RAD54B: variants seen among roughly 807,000 people sequenced by gnomAD.
RAD54B encodes the protein DNA repair and recombination protein RAD54B.
In RAD54B, 78 loss-of-function variants were observed where a neutral mutation model predicts 95.8. The observed-to-expected ratio is 0.81, with a 90% CI of 0.68 to 0.98. The LOEUF (loss-of-function observed/expected upper bound fraction) is 0.98. Among genes scored for constraint, RAD54B ranks in the 50% least tolerant of loss-of-function variants. The probability of loss-of-function intolerance (pLI) is 0.00; values close to 1 mark genes in which losing one functional copy is unlikely to be tolerated. For missense variants in RAD54B, 957 were observed against 1,056.6 expected, an observed-to-expected ratio of 0.91 and a Z score of 1.31; for synonymous variants, 328 against 354.9, an observed-to-expected ratio of 0.92 and a Z score of 0.85.
In RAD54B at chr8:94,458,294, A is replaced by G. The variant is rs780901315; in HGVS notation, c.278T>C (p.Leu93Pro). 4 of 1,607,848 alleles carry G rather than the reference A, an allele frequency of 2.5e-6. No individual in the cohort carries two copies. The East Asian group carries it at 6.7e-5, about 27-fold the overall frequency. ...TGTATGAGGTGGATCTAATGTTGCC[A>G]GTGTAGGTGCTTCAAAACAATATTT... is the stretch of plus-strand genomic sequence containing the variant. ...SGKYCFEAPT[L>P]ATLDPPHTVH... Residue 93 changes from leucine (L) to proline (P), a missense_variant, in exon 3 of 15, where the codon CTG (leucine) becomes CCG (proline). Physicochemically the swap from Leu to Pro is moderately conservative, Grantham distance 98 (BLOSUM62 -3). Coordinates refer to ENST00000336148, the MANE Select transcript of RAD54B (RefSeq NM_012415.3).
At chr8:94,409,444 C>T (rs145638847) in intron 4 of RAD54B, among the ~76,000 whole-genome samples, 151 of 151,878 alleles carry the variant, frequency 9.9e-4, no homozygotes, top group Non-Finnish European at 1.8e-3. Context: ...GATCAAGGCT[C>T]ACTGCAGCCT....
intron 3 of RAD54B, among the ~76,000 whole-genome samples, chr8:94,418,146 T>C (rs1811719545): frequency 6.6e-6 from 1 of 152,168 alleles, no homozygotes; most frequent in Non-Finnish European, 1.5e-5. Flanking sequence ...GATAGTTTTT[T>C]ACCCTTCTCT....
chr8:94,468,842 AGAG>A (rs1419726289), intron 1 of RAD54B, among the ~76,000 whole-genome samples: 1 of 151,854 alleles, frequency 6.6e-6, no homozygotes, highest in African/African-American at 2.4e-5. Context: ...AAAAAAGATA[AGAG>A]GAGCTTGGTG....
chr8:94,469,097 CTT>C (rs1486141031), intron 1 of RAD54B, among the ~76,000 whole-genome samples: 5 of 126,388 alleles, frequency 4.0e-5, no homozygotes, highest in Middle Eastern at 4.2e-3. Flanking sequence ...GAGCCCATCT[CTT>C]GTTTTTTTTT....
At chr8:94,472,014 T>G (rs1813182433) in intron 1 of RAD54B, among the ~76,000 whole-genome samples, 1 of 152,158 alleles carries the variant, frequency 6.6e-6, no homozygotes, top group African/African-American at 2.4e-5. Context: ...TTTCCCAATT[T>G]CATCAATGTT....
rs556692480 is a variant in RAD54B, at chr8:94,454,235, C to T, written c.304+4033G>A. On this transcript the variant is annotated intron_variant, in intron 3 of 14. Transcript: ENST00000336148. ...TCCAGAATAGGTAAACCCATAGAGA[C>T]AGAAAGCAAATTAGTGGTTGCCAGG... 2.0e-5 allele frequency among the ~76,000 whole-genome samples: 3 copies of T among 151,038 alleles called. No individual in the cohort carries two copies. In the East Asian group the frequency reaches 5.8e-4, roughly 29 times the overall value.
intron 3 of RAD54B, among the ~76,000 whole-genome samples, chr8:94,423,139 T>G (rs1374483708): frequency 6.6e-6 from 1 of 152,060 alleles, no homozygotes; most frequent in Non-Finnish European, 1.5e-5. Flanking sequence ...ATCCCAACAC[T>G]TTGGGAGGCC....
At chr8:94,431,263 A>G (rs1291402483) in intron 3 of RAD54B, 1 of 967,804 alleles carries the variant, frequency 1.0e-6, no homozygotes, top group Non-Finnish European at 1.2e-6. Flanking sequence ...CCAGAACAGG[A>G]CATTCAAAAT....
At chr8:94,471,232 A>G (rs1477991050) in intron 1 of RAD54B, among the ~76,000 whole-genome samples, 1 of 146,958 alleles carries the variant, frequency 6.8e-6, no homozygotes. Context: ...GAAGAGGTTC[A>G]GTATTTGTTA....
At chr8:94,455,893 T>G (rs1278922673) in intron 3 of RAD54B, among the ~76,000 whole-genome samples, 1 of 152,194 alleles carries the variant, frequency 6.6e-6, no homozygotes, top group Non-Finnish European at 1.5e-5. Context: ...CCAGTATGAC[T>G]TTATCTTGAT....
intron 11 of RAD54B, among the ~76,000 whole-genome samples, chr8:94,382,628 C>T (rs1359600644): frequency 1.3e-5 from 2 of 152,202 alleles, no homozygotes; most frequent in East Asian, 3.9e-4. Flanking sequence ...GGCTCTGTGT[C>T]TCCACCCAAA....
At chr8:94,439,760 C>T (rs1332128749) in intron 3 of RAD54B, among the ~76,000 whole-genome samples, 1 of 152,088 alleles carries the variant, frequency 6.6e-6, no homozygotes, top group Non-Finnish European at 1.5e-5. Flanking sequence ...ATCTGAAGAC[C>T]TGGGATCAAT....
intron 3 of RAD54B, 23 bp from the exon 4 acceptor site, chr8:94,411,338 CATT>C (rs1200259859): frequency 6.5e-7 from 1 of 1,527,906 alleles, no homozygotes; most frequent in Non-Finnish European, 8.7e-7. Flanking sequence ...AAAAAACACA[CATT>C]ATTAAAAATG....
chr8:94,450,485 T>C (rs1342194822), intron 3 of RAD54B, among the ~76,000 whole-genome samples: 2 of 152,240 alleles, frequency 1.3e-5, no homozygotes, highest in Non-Finnish European at 1.5e-5. Context: ...AAACCCTTTT[T>C]ATGATGGGGC....
chr8:94,383,009 C>T (rs1163188666), intron 11 of RAD54B, among the ~76,000 whole-genome samples: 1 of 151,848 alleles, frequency 6.6e-6, no homozygotes, highest in Non-Finnish European at 1.5e-5. Flanking sequence ...TTTAAAAGTC[C>T]CAGGATGCCG....
chr8:94,413,028 C>A (rs1294883463), intron 3 of RAD54B, among the ~76,000 whole-genome samples: 1 of 152,006 alleles, frequency 6.6e-6, no homozygotes, highest in Non-Finnish European at 1.5e-5. Context: ...CAGATCTCTA[C>A]ACTAAAATTA....
intron 1 of RAD54B, among the ~76,000 whole-genome samples, chr8:94,469,087 G>A (rs1185604137): frequency 1.4e-5 from 2 of 147,282 alleles, no homozygotes; most frequent in Non-Finnish European, 3.0e-5. Flanking sequence ...GAGCCCAAGA[G>A]AGCCCATCTC....
chr8:94,423,792 TTTAA>T (rs1274156013), intron 3 of RAD54B, among the ~76,000 whole-genome samples: 1 of 152,216 alleles, frequency 6.6e-6, no homozygotes, highest in Non-Finnish European at 1.5e-5. Context: ...TTTAGTCAAT[TTTAA>T]TTAGTTTTCT....
chr8:94,422,587 C>CAA lies in RAD54B; in HGVS notation c.305-11274_305-11273dup, dbSNP rs60701725. On this transcript the variant is annotated intron_variant, in intron 3 of 14. Coordinates refer to ENST00000336148, the MANE Select transcript of RAD54B (RefSeq NM_012415.3). Reference sequence around the variant, plus strand: ...TGGACGATAGAGCGAGACTTCGTCTCAAAAAAAAAAAAAAAAAAAAAAAAA... The same window carrying CAA: ...TGGACGATAGAGCGAGACTTCGTCTCAAAAAAAAAAAAAAAAAAAAAAAAAAA... Among the ~76,000 whole-genome samples, 52 of 14,296 alleles carry CAA rather than the reference C, an allele frequency of 3.6e-3. 16 individuals are homozygous for CAA. Among genetic ancestry groups the CAA allele is most frequent in the Admixed American group, 7.5e-3 (5 of 666 alleles). The allele number at this position is 14,296 out of a possible 152,430, so 9.4% of individuals were successfully genotyped here. A position where few individuals can be genotyped will look rare whatever the true frequency, so the allele number is the denominator to read the frequency against.
Sources: gnomAD v4.1 joint callset for allele counts (sites outside exome capture counted in the v4.1 genomes callset) on GRCh38, gnomAD v4.1.1 for gene constraint, MANE v1.5 for transcripts, NCBI Gene and HGNC (gene_info 2026-07-23, HGNC 2026-07-21) for gene names.